VLDLR: variants seen among roughly 807,000 people sequenced by gnomAD.
VLDLR encodes the protein very low density lipoprotein receptor, also known as very low-density lipoprotein receptor.
VLDLR carries 81 observed loss-of-function variants against 112.7 expected under a neutral mutation model. That is an observed-to-expected ratio of 0.72 (90% confidence interval 0.60 to 0.86). VLDLR has a LOEUF of 0.86. Among genes scored for constraint, VLDLR ranks in the 40% least tolerant of loss-of-function variants. VLDLR has a pLI of 0.00. For missense variants in VLDLR, 1,237 were observed against 1,099.4 expected (o/e 1.13, Z -1.77); for synonymous variants, 436 against 384.8 (o/e 1.13, Z -1.56).
At position 2,644,784 on chromosome 9, in the gene VLDLR, G is replaced by T; in HGVS notation, c.1117G>T (p.Asp373Tyr). 6.2e-7 allele frequency: 1 copy of T among 1,614,168 alleles called. No homozygotes were observed. The highest frequency in any genetic ancestry group is 1.3e-5 in the African/African-American group (1 of 75,058). Residue 373 changes from aspartate to tyrosine, a missense_variant, in exon 8 of 19, where the codon GAC (aspartate) becomes TAC (tyrosine). Asp to Tyr is a radical substitution (Grantham distance 160). Coordinates refer to ENST00000382100, the MANE Select transcript of VLDLR (RefSeq NM_003383.5). ...TGGTGGATGTTCTCATATCTGCAAA[G>T]ACCTAGTTATAGGCTACGAGTGTGA... is the stretch of plus-strand genomic sequence containing the variant. ...NNGGCSHICK[D>Y]LVIGYECDCA...
intron 1 of VLDLR, 118 bp from the exon 2 acceptor site, chr9:2,635,335 G>C (rs1586642247): frequency 2.0e-6 from 3 of 1,515,002 alleles, no homozygotes; most frequent in African/African-American, 1.4e-5. Flanking sequence ...TGGCCCTTAG[G>C]ATGTCATAGC....
rs114172780 is a variant in VLDLR at position 2,644,829 on chromosome 9, C to T, written c.1162C>T (p.Leu388=). The change falls in exon 8 of 19, where the codon CTG becomes TTG. Residue 388 remains leucine (L), a synonymous_variant. Coordinates refer to ENST00000382100, the MANE Select transcript of VLDLR (RefSeq NM_003383.5). ...GTGTGACTGTGCAGCTGGGTTTGAA[C>T]TGATAGATAGGAAAACCTGTGGAGG... ...YECDCAAGFE[L]IDRKTCGDID... 2.5e-4 allele frequency: 396 copies of T among 1,614,122 alleles called. 1 individual carries two copies. The African/African-American group carries it at 4.7e-3, about 19-fold the overall frequency.
chr9:2,623,075 T>C (rs1450112766), intron 1 of VLDLR, among the ~76,000 whole-genome samples: 1 of 152,234 alleles, frequency 6.6e-6, no homozygotes, highest in Non-Finnish European at 1.5e-5. Flanking sequence ...TGACGTTTCC[T>C]CGAGAGGAAT....
Position 2,635,496 on chromosome 9 carries a change from T to C in VLDLR, c.126T>C (p.Asn42=). Residue 42 remains asparagine, a synonymous_variant, in exon 2 of 19, where the codon AAT becomes AAC. Coordinates refer to ENST00000382100, the MANE Select transcript of VLDLR (RefSeq NM_003383.5). Reference sequence around the variant, plus strand: ...AACCCTCCCAATTCCAGTGCACAAATGGTCGCTGTATTACGCTGTTGTGGA... The same window carrying C: ...AACCCTCCCAATTCCAGTGCACAAACGGTCGCTGTATTACGCTGTTGTGGA... ...KCEPSQFQCT[N]GRCITLLWKC... is the part of the protein sequence containing the mutation. 1 of 1,614,132 alleles carries C rather than the reference T, an allele frequency of 6.2e-7. No homozygotes were observed. The highest frequency in any genetic ancestry group is 8.5e-7 in the Non-Finnish European group (1 of 1,179,990).
rs1163320654 is a variant in VLDLR at position 2,648,808 on chromosome 9, C to T, written c.2102C>T (p.Ser701Leu). The change falls in exon 14 of 19, where the codon TCA becomes TTA. Residue 701 changes from serine (S) to leucine (L), a missense_variant and splice_region_variant. Physicochemically the swap from Ser to Leu is moderately radical, Grantham distance 145. Transcript: ENST00000382100. ...IIVYHELVQP[S>L]GKNWCEEDME... ...GTCTATCATGAACTTGTACAGCCATCAGGTACCGTGGAGAAGCACAGTCCT... is the reference window on the plus strand; with the variant it reads ...GTCTATCATGAACTTGTACAGCCATTAGGTACCGTGGAGAAGCACAGTCCT... The T allele has an allele frequency of 6.2e-7, 1 of 1,614,132 alleles. No individual in the cohort carries two copies. The highest frequency in any genetic ancestry group is 8.5e-7 in the Non-Finnish European group (1 of 1,180,024).
At chr9:2,637,929 C>G (rs558610106) in intron 2 of VLDLR, among the ~76,000 whole-genome samples, 3 of 151,868 alleles carry the variant, frequency 2.0e-5, no homozygotes, top group Non-Finnish European at 4.4e-5. Context: ...GGTGACAGAG[C>G]GAGACTCCAT....
intron 13 of VLDLR, 47 bp downstream of exon 13, chr9:2,648,394 C>T (rs1563764137): frequency 1.9e-6 from 3 of 1,612,666 alleles, no homozygotes; most frequent in Non-Finnish European, 1.7e-6. Context: ...GCTACTATAT[C>T]ACTTTGAGAA....
At chr9:2,626,702 G>A (rs916973957) in intron 1 of VLDLR, among the ~76,000 whole-genome samples, 3 of 152,156 alleles carry the variant, frequency 2.0e-5, no homozygotes, top group African/African-American at 4.8e-5. Flanking sequence ...GGCCATCTGG[G>A]GAGCCTTTAT....
Position 2,644,973 on chromosome 9 carries a change from A to C in VLDLR, c.1203A>C (p.Gln401His), listed in dbSNP as rs1391669580. 1 of 1,614,208 alleles carries C rather than the reference A, an allele frequency of 6.2e-7. No homozygotes were observed. Among genetic ancestry groups the C allele is most frequent in the Admixed American group, 1.7e-5 (1 of 60,028 alleles). ...CCCTCCCAGATATTGATGAATGCCA[A>C]AATCCAGGAATCTGCAGTCAAATTT... is the stretch of plus-strand genomic sequence containing the variant. ...RKTCGDIDEC[Q>H]NPGICSQICI... Residue 401 changes from glutamine (Q) to histidine (H), a missense_variant, in exon 9 of 19, where the codon CAA becomes CAC. Physicochemically the swap from Gln to His is conservative, Grantham distance 24 (BLOSUM62 0). Coordinates refer to ENST00000382100, the MANE Select transcript of VLDLR (RefSeq NM_003383.5).
intron 1 of VLDLR, among the ~76,000 whole-genome samples, chr9:2,629,186 G>A (rs35775714): frequency 0.03 from 4,644 of 152,308 alleles, 103 homozygotes; most frequent in Non-Finnish European, 0.039. Flanking sequence ...GCCTTCCTGG[G>A]GATTCTGATG....
chr9:2,631,520 G>T (rs558663974), intron 1 of VLDLR, among the ~76,000 whole-genome samples: 1 of 152,166 alleles, frequency 6.6e-6, no homozygotes, highest in Non-Finnish European at 1.5e-5. Flanking sequence ...GCAGCATGGG[G>T]ATGGAATTGG....
Position 2,622,197 on chromosome 9 carries a change from C to T in VLDLR, c.8C>T (p.Thr3Met). MG[T>M]SALWALWLLL... ...ACCATCCAGGCGGGCACCATGGGCA[C>T]GTCCGCGCTCTGGGCGCTCTGGCTG... Residue 3 changes from threonine (T) to methionine (M), a missense_variant, in exon 1 of 19, where the codon ACG (threonine) becomes ATG (methionine). By Grantham distance (81) the Thr-to-Met change is moderately conservative. Coordinates refer to ENST00000382100, the MANE Select transcript of VLDLR (RefSeq NM_003383.5). The T allele has an allele frequency of 1.3e-6, 2 of 1,497,652 alleles. No homozygotes were observed. The highest frequency in any genetic ancestry group is 1.8e-6 in the Non-Finnish European group (2 of 1,130,072). The allele number at this position is 1,497,652 out of a possible 1,614,324, so 92.8% of individuals were successfully genotyped here. A position where few individuals can be genotyped will look rare whatever the true frequency, so the allele number is the denominator to read the frequency against.
At chr9:2,647,614 G>T (rs747438890) in intron 12 of VLDLR, 22 bp downstream of exon 12, 3 of 1,579,496 alleles carry the variant, frequency 1.9e-6, no homozygotes, top group Non-Finnish European at 2.6e-6. Context: ...CTTCCTTCTC[G>T]ACCACCCACT....
At chr9:2,646,579 C>T in intron 11 of VLDLR, 27 bp downstream of exon 11, 1 of 1,606,480 alleles carries the variant, frequency 6.2e-7, no homozygotes, top group Non-Finnish European at 8.5e-7. Context: ...CCATCACAGA[C>T]TTTGGAATGG....
chr9:2,622,139 G>C lies in VLDLR; in HGVS notation c.-51G>C. The C allele has an allele frequency of 7.0e-7, 1 of 1,419,118 alleles. No individual in the cohort carries two copies. The highest frequency in any genetic ancestry group is 9.2e-7 in the Non-Finnish European group (1 of 1,082,334). The allele number at this position is 1,419,118 out of a possible 1,614,324, so 87.9% of individuals were successfully genotyped here. ...CGGAAGGACTGGTAACTTGTCGTGC[G>C]GAGCGAACGGCGGCGGCGGCGGCGG... On this transcript the variant is annotated 5_prime_UTR_variant, in exon 1 of 19. Coordinates refer to ENST00000382100, the MANE Select transcript of VLDLR (RefSeq NM_003383.5).
chr9:2,645,870 C>G lies in VLDLR; in HGVS notation c.1484+125C>G, dbSNP rs34961825. On this transcript the variant is annotated intron_variant, in intron 10 of 18. Transcript: ENST00000382100. ...CATCTAGCATCGAATTACCTGGGGA[C>G]ATTAAATCTAATGCTAATTCTTTAT... 1.2e-3 allele frequency: 1,229 copies of G among 1,057,432 alleles called. 15 individuals carry two copies. The African/African-American group carries it at 0.018, about 15-fold the overall frequency. The allele number at this position is 1,057,432 out of a possible 1,614,324, so 65.5% of individuals were successfully genotyped here.
intron 1 of VLDLR, among the ~76,000 whole-genome samples, chr9:2,626,127 T>A (rs754450458): frequency 8.5e-5 from 13 of 152,262 alleles, no homozygotes; most frequent in Non-Finnish European, 1.6e-4. Flanking sequence ...GTCCTTTATC[T>A]GAAATACTTG....
chr9:2,645,756 GT>G lies in VLDLR; in HGVS notation c.1484+13del, dbSNP rs1818043200. 3.1e-6 allele frequency: 5 copies of G among 1,613,952 alleles called. No individual in the cohort carries two copies. Among genetic ancestry groups the G allele is most frequent in the Non-Finnish European group, 3.4e-6 (4 of 1,180,014 alleles). ...AAAGGCTATCTTCAGGTAACTTTCA[GT>G]TCCTTTTGTGGTGTCTTGACATAAG... On this transcript the variant is annotated intron_variant, in intron 10 of 18. Transcript: ENST00000382100.
intron 1 of VLDLR, among the ~76,000 whole-genome samples, chr9:2,627,114 A>C (rs34365168): frequency 0.065 from 9,854 of 152,294 alleles, 357 homozygotes; most frequent in East Asian, 0.14. Context: ...TCAAAGCAGG[A>C]AACAGCCAAA....
Sources: allele counts gnomAD v4.1 joint callset (sites outside exome capture counted in the v4.1 genomes callset), GRCh38; gene constraint gnomAD v4.1.1; transcripts MANE v1.5; gene names NCBI Gene and HGNC (gene_info 2026-07-23, HGNC 2026-07-21).